VCAN: variants seen among roughly 807,000 people sequenced by gnomAD.
The protein encoded by VCAN is versican core protein.
A neutral mutation model predicts 245.5 loss-of-function variants in VCAN; 44 were observed. The observed-to-expected ratio is 0.18, with a 90% CI of 0.14 to 0.23. The LOEUF (loss-of-function observed/expected upper bound fraction) is 0.23. Among genes scored for constraint, VCAN ranks in the 10% least tolerant of loss-of-function variants. The pLI is 1.00. For missense variants in VCAN, 3,793 were observed against 4,057.9 expected, an observed-to-expected ratio of 0.93 and a Z score of 1.77; for synonymous variants, 1,413 against 1,437.0, an observed-to-expected ratio of 0.98 and a Z score of 0.38.
chr5:83,472,927 C>A (rs1744246497), intron 1 of VCAN, among the ~76,000 whole-genome samples: 1 of 152,210 alleles, frequency 6.6e-6, no homozygotes, highest in African/African-American at 2.4e-5. Flanking sequence ...AGCAAACCGG[C>A]ACCCAGAGCG....
chr5:83,474,377 C>T (rs1290794950), intron 1 of VCAN, among the ~76,000 whole-genome samples: 2 of 152,074 alleles, frequency 1.3e-5, no homozygotes, highest in African/African-American at 4.8e-5. Context: ...TTTCGAGACT[C>T]GTTTTAGGAT....
intron 5 of VCAN, among the ~76,000 whole-genome samples, chr5:83,502,485 A>C (rs1323741316): frequency 6.6e-6 from 1 of 152,204 alleles, no homozygotes; most frequent in Non-Finnish European, 1.5e-5. Flanking sequence ...TATTTTGAAG[A>C]CTCAGAAACC....
chr5:83,548,863 G>A (rs1225544970), intron 10 of VCAN, among the ~76,000 whole-genome samples: 1 of 152,130 alleles, frequency 6.6e-6, no homozygotes, highest in Non-Finnish European at 1.5e-5. Context: ...AGACACTCAG[G>A]CACATTGGTC....
At position 83,471,915 on chromosome 5, in the gene VCAN, T is replaced by C; in HGVS notation, c.-115T>C. ...GCACCGTCCCGCACCCTCCGCATCC[T>C]TCCCCGGGCCACCACGCTTCCTATG... On this transcript the variant is annotated 5_prime_UTR_variant, in exon 1 of 15. Coordinates refer to ENST00000265077, the MANE Select transcript of VCAN (RefSeq NM_004385.5). 7.7e-6 allele frequency: 3 copies of C among 389,290 alleles called. No homozygotes were observed. Among genetic ancestry groups the C allele is most frequent in the Non-Finnish European group, 1.4e-5 (3 of 220,628 alleles). The allele number at this position is 389,290 out of a possible 1,614,324, so 24.1% of individuals were successfully genotyped here.
intron 12 of VCAN, among the ~76,000 whole-genome samples, chr5:83,562,926 T>C (rs1339840542): frequency 6.6e-6 from 1 of 152,154 alleles, no homozygotes; most frequent in African/African-American, 2.4e-5. Flanking sequence ...GCTCACACTA[T>C]TACACAAGAT....
chr5:83,565,907 A>G (rs917601071), intron 12 of VCAN, among the ~76,000 whole-genome samples: 17 of 91,238 alleles, frequency 1.9e-4, no homozygotes, highest in African/African-American at 6.8e-4. Context: ...TAACACAAGG[A>G]AAAAAAAACC....
chr5:83,564,645 GGTGAACA>G (rs1274152773), intron 12 of VCAN, among the ~76,000 whole-genome samples: 4 of 151,486 alleles, frequency 2.6e-5, no homozygotes, highest in Non-Finnish European at 5.9e-5. Context: ...TTCCTTGGGA[GGTGAACA>G]GAGAGGGCTT....
In VCAN at chr5:83,483,536, G is replaced by A; in HGVS notation, c.18G>A (p.Lys6=). ...AGGCCAAGATGTTCATAAATATAAA[G>A]AGCATCTTATGGATGTGTTCAACCT... MFINI[K]SILWMCSTLI... Residue 6 remains lysine (K), a synonymous_variant, in exon 2 of 15, where the codon AAG becomes AAA. Transcript: ENST00000265077. 6.2e-7 allele frequency: 1 copy of A among 1,613,404 alleles called. No homozygotes were observed. The highest frequency in any genetic ancestry group is 8.5e-7 in the Non-Finnish European group (1 of 1,179,586).
intron 2 of VCAN, among the ~76,000 whole-genome samples, chr5:83,489,089 C>G (rs1434042578): frequency 6.7e-6 from 1 of 150,134 alleles, no homozygotes; most frequent in Non-Finnish European, 1.5e-5. Context: ...TATGTTTGAC[C>G]ACTAGCAGAG....
At chr5:83,511,868 CACACAT>C (rs1745671727) in intron 5 of VCAN, among the ~76,000 whole-genome samples, 1 of 152,144 alleles carries the variant, frequency 6.6e-6, no homozygotes. Context: ...AATGTACACA[CACACAT>C]ACACGTATAG....
chr5:83,479,969 C>A (rs765184064), intron 1 of VCAN, among the ~76,000 whole-genome samples: 8 of 152,090 alleles, frequency 5.3e-5, no homozygotes, highest in Non-Finnish European at 8.8e-5. Flanking sequence ...GCAGTAATGG[C>A]CTTGAGCACA....
intron 13 of VCAN, among the ~76,000 whole-genome samples, chr5:83,578,948 C>A (rs564444385): frequency 6.6e-6 from 1 of 152,034 alleles, no homozygotes; most frequent in African/African-American, 2.4e-5. Context: ...ATTTTCCAAG[C>A]TTTTGGATTT....
chr5:83,514,936 A>G (rs1745795631), intron 6 of VCAN, among the ~76,000 whole-genome samples: 1 of 152,160 alleles, frequency 6.6e-6, no homozygotes, highest in Non-Finnish European at 1.5e-5. Flanking sequence ...TATGTAGAGG[A>G]ATTTAGAAAT....
Position 83,545,659 on chromosome 5 carries a change from G to A in VCAN, c.9379+9G>A. The A allele has an allele frequency of 1.9e-6, 3 of 1,603,202 alleles. No individual in the cohort carries two copies. The highest frequency in any genetic ancestry group is 2.6e-6 in the Non-Finnish European group (3 of 1,170,062). On this transcript the variant is annotated intron_variant, in intron 9 of 14. Coordinates refer to ENST00000265077, the MANE Select transcript of VCAN (RefSeq NM_004385.5). ...AGACCAGTGTGAACTTGGTAAGATG[G>A]TACTTGGCTGAAAAGGTGCAGTTCT...
rs1746822967 is a variant in VCAN, at chr5:83,538,534, C to T, written c.5531C>T (p.Pro1844Leu). ...EQGSGEAAAD[P>L]ETTTVSSFSL... The stretch of plus-strand genomic sequence containing the variant: ...GGCTCTGGAGAAGCTGCTGCCGACC[C>T]AGAAACCACCACTGTTTCTTCATTT... Residue 1844 changes from proline to leucine, a missense_variant, in exon 8 of 15, where the codon CCA (proline) becomes CTA (leucine). Physicochemically the swap from Pro to Leu is moderately conservative, Grantham distance 98. Transcript: ENST00000265077. 1 of 1,613,918 alleles carries T rather than the reference C, an allele frequency of 6.2e-7. No individual in the cohort carries two copies. Among genetic ancestry groups the T allele is most frequent in the Non-Finnish European group, 8.5e-7 (1 of 1,179,982 alleles).
chr5:83,572,581 A>G, intron 13 of VCAN, 21 bp downstream of exon 13: 3 of 1,613,242 alleles, frequency 1.9e-6, no homozygotes, highest in Non-Finnish European at 2.5e-6. Context: ...CCCTGTTAAT[A>G]ATGTGTACTT....
chr5:83,527,447 A>G (rs1746346186), intron 7 of VCAN, among the ~76,000 whole-genome samples: 1 of 152,202 alleles, frequency 6.6e-6, no homozygotes, highest in South Asian at 2.1e-4. Flanking sequence ...TCTCTCACGG[A>G]CTGTCCCAAG....
intron 9 of VCAN, among the ~76,000 whole-genome samples, chr5:83,546,748 A>T (rs1747242235): frequency 6.6e-6 from 1 of 152,190 alleles, no homozygotes. Context: ...CTCAGCAAGC[A>T]CCATAAACAT....
At position 83,471,995 on chromosome 5, in the gene VCAN, C is replaced by A. The variant is rs1056431939; in HGVS notation, c.-35C>A. On this transcript the variant is annotated 5_prime_UTR_variant, in exon 1 of 15. Transcript: ENST00000265077. Reference sequence around the variant, plus strand: ...CGCGCAGCGCTGCAGTGAATTTTCCCCCCAAACTGCAATAAGCCGCCTTCC... The same window carrying A: ...CGCGCAGCGCTGCAGTGAATTTTCCACCCAAACTGCAATAAGCCGCCTTCC... 1 of 383,154 alleles carries A rather than the reference C, an allele frequency of 2.6e-6. No homozygotes were observed. Among genetic ancestry groups the A allele is most frequent in the African/African-American group, 2.1e-5 (1 of 48,264 alleles). The allele number at this position is 383,154 out of a possible 1,614,324, so 23.7% of individuals were successfully genotyped here. A position where few individuals can be genotyped will look rare whatever the true frequency, so the allele number is the denominator to read the frequency against.
Sources: gnomAD v4.1 joint callset for allele counts (sites outside exome capture counted in the v4.1 genomes callset) on GRCh38, gnomAD v4.1.1 for gene constraint, MANE v1.5 for transcripts, NCBI Gene and HGNC (gene_info 2026-07-23, HGNC 2026-07-21) for gene names.